PAPSS1: variants seen among roughly 807,000 people sequenced by gnomAD.
The protein encoded by PAPSS1 is bifunctional 3'-phosphoadenosine 5'-phosphosulfate synthase 1.
Under a neutral mutation model 72.0 loss-of-function variants are expected in PAPSS1, and 50 were observed. The observed-to-expected ratio is 0.69, with a 90% CI of 0.55 to 0.88. The LOEUF (loss-of-function observed/expected upper bound fraction) is 0.88, where lower values mean the gene tolerates loss of function less well. Ranked by LOEUF, PAPSS1 falls within the 40% of genes least tolerant of loss-of-function variation. PAPSS1 has a pLI of 0.00. For synonymous variants in PAPSS1, 261 were observed against 263.6 expected (o/e 0.99, Z 0.09); for missense variants, 657 against 782.2 (o/e 0.84, Z 1.91).
chr4:107,642,075 T>C (rs988198493), intron 10 of PAPSS1, among the ~76,000 whole-genome samples: 1 of 152,114 alleles, frequency 6.6e-6, no homozygotes, highest in African/African-American at 2.4e-5. Flanking sequence ...TAAGAATACA[T>C]ATTATACAAA....
Position 107,653,643 on chromosome 4 carries a change from ATT to A in PAPSS1, c.1102-19_1102-18del. Reference sequence around the variant, plus strand: ...CATCACCATCTAATAGGAAAAACAAATTTTTTTAATGGAAACCGAGATCAAAA... The same window carrying A: ...CATCACCATCTAATAGGAAAAACAAATTTTTAATGGAAACCGAGATCAAAA... On this transcript the variant is annotated intron_variant, in intron 8 of 11. Coordinates refer to ENST00000265174, the MANE Select transcript of PAPSS1 (RefSeq NM_005443.5). 1 of 1,605,864 alleles carries A rather than the reference ATT, an allele frequency of 6.2e-7. No homozygotes were observed. The highest frequency in any genetic ancestry group is 1.3e-5 in the African/African-American group (1 of 74,546).
chr4:107,674,402 A>C (rs893141123), intron 5 of PAPSS1, among the ~76,000 whole-genome samples: 6 of 152,224 alleles, frequency 3.9e-5, no homozygotes, highest in Non-Finnish European at 8.8e-5. Flanking sequence ...GATAAAACAG[A>C]CTTGAAAACA....
intron 7 of PAPSS1, among the ~76,000 whole-genome samples, chr4:107,655,407 A>G (rs989576683): frequency 3.3e-5 from 5 of 152,336 alleles, no homozygotes; most frequent in Admixed American, 3.3e-4. Context: ...AGACAGAACT[A>G]TCCAAAAAGT....
At chr4:107,717,300 A>G (rs1304450115) in intron 1 of PAPSS1, among the ~76,000 whole-genome samples, 6 of 148,762 alleles carry the variant, frequency 4.0e-5, no homozygotes, top group Admixed American at 2.0e-4. Context: ...GACTATCTCT[A>G]CTAAGGCTGT....
At chr4:107,646,801 C>T (rs1038020789) in intron 9 of PAPSS1, among the ~76,000 whole-genome samples, 1 of 152,200 alleles carries the variant, frequency 6.6e-6, no homozygotes, top group Non-Finnish European at 1.5e-5. Context: ...TCTACCCAAG[C>T]TCAGACTACT....
intron 9 of PAPSS1, among the ~76,000 whole-genome samples, chr4:107,652,790 G>A (rs1000332707): frequency 1.3e-5 from 2 of 152,090 alleles, no homozygotes; most frequent in African/African-American, 4.8e-5. Flanking sequence ...TTTTACTTCT[G>A]TAATTCTATA....
At chr4:107,643,641 G>T (rs765685292) in intron 10 of PAPSS1, among the ~76,000 whole-genome samples, 7 of 152,146 alleles carry the variant, frequency 4.6e-5, no homozygotes, top group Non-Finnish European at 8.8e-5. Context: ...TGATGTTAAT[G>T]TGAGGGTACC....
intron 5 of PAPSS1, among the ~76,000 whole-genome samples, chr4:107,669,580 T>C (rs538010106): frequency 1.3e-5 from 2 of 152,204 alleles, no homozygotes; most frequent in South Asian, 2.1e-4. Flanking sequence ...CTACCACATA[T>C]AGCATTAACT....
At chr4:107,688,163 T>C (rs1004639682) in intron 3 of PAPSS1, among the ~76,000 whole-genome samples, 11 of 152,094 alleles carry the variant, frequency 7.2e-5, no homozygotes, top group African/African-American at 2.4e-4. Flanking sequence ...CAACCCATTC[T>C]CTCTACTCCA....
intron 10 of PAPSS1, among the ~76,000 whole-genome samples, chr4:107,634,521 C>A (rs1726308839): frequency 6.6e-6 from 1 of 152,028 alleles, no homozygotes; most frequent in Non-Finnish European, 1.5e-5. Context: ...AATGGTGGAT[C>A]ATTTTATTAA....
At chr4:107,629,252 T>C (rs1188586626) in intron 11 of PAPSS1, among the ~76,000 whole-genome samples, 1 of 152,220 alleles carries the variant, frequency 6.6e-6, no homozygotes, top group Non-Finnish European at 1.5e-5. Context: ...AAATCACTGA[T>C]GCTTCAGCAA....
intron 10 of PAPSS1, among the ~76,000 whole-genome samples, chr4:107,637,313 T>C (rs1269794240): frequency 6.6e-6 from 1 of 152,176 alleles, no homozygotes; most frequent in East Asian, 1.9e-4. Flanking sequence ...CTATCACTTA[T>C]CTCCCCACTT....
chr4:107,678,650 G>C (rs1300575701), intron 5 of PAPSS1, among the ~76,000 whole-genome samples: 1 of 152,166 alleles, frequency 6.6e-6, no homozygotes, highest in East Asian at 1.9e-4. Flanking sequence ...TAGTGTGACA[G>C]GCTTAGTACA....
At chr4:107,675,898 A>G (rs1727629959) in intron 5 of PAPSS1, among the ~76,000 whole-genome samples, 1 of 152,144 alleles carries the variant, frequency 6.6e-6, no homozygotes, top group South Asian at 2.1e-4. Flanking sequence ...ATCAATAAAC[A>G]TAATCCAGCA....
chr4:107,711,510 A>T (rs1338533127), intron 1 of PAPSS1, among the ~76,000 whole-genome samples: 1 of 152,220 alleles, frequency 6.6e-6, no homozygotes, highest in African/African-American at 2.4e-5. Flanking sequence ...GTGCATTTTT[A>T]AGTGAAATGT....
chr4:107,641,979 A>C (rs1456890796), intron 10 of PAPSS1, among the ~76,000 whole-genome samples: 2 of 152,204 alleles, frequency 1.3e-5, no homozygotes, highest in Non-Finnish European at 2.9e-5. Flanking sequence ...AATGATTTAC[A>C]TTGATCCTAT....
chr4:107,658,824 T>C (rs4956021), intron 6 of PAPSS1, among the ~76,000 whole-genome samples: 29,408 of 152,068 alleles, frequency 0.19, 3,137 homozygotes, highest in East Asian at 0.37. Context: ...AAAATTCCTA[T>C]ACTGAAGGCC....
chr4:107,674,528 T>C (rs1303623173), intron 5 of PAPSS1, among the ~76,000 whole-genome samples: 1 of 152,208 alleles, frequency 6.6e-6, no homozygotes, highest in African/African-American at 2.4e-5. Context: ...CCCAGATTCA[T>C]AAAGTAAGTC....
chr4:107,654,825 G>T lies in PAPSS1; in HGVS notation c.971C>A (p.Thr324Lys). The T allele has an allele frequency of 2.5e-6, 4 of 1,613,974 alleles. No individual in the cohort carries two copies. Among genetic ancestry groups the T allele is most frequent in the Non-Finnish European group, 3.4e-6 (4 of 1,179,908 alleles). The change falls in exon 8 of 12, where the codon ACA becomes AAA. Residue 324 changes from threonine to lysine, a missense_variant. Coordinates refer to ENST00000265174, the MANE Select transcript of PAPSS1 (RefSeq NM_005443.5). ...GCCCTCATACATCAGAGCAAATGCT[G>T]TACAGCCGTCCAGCCTCTCTTTATC... is the stretch of plus-strand genomic sequence containing the variant. ...HEDKERLDGCTAFALMYEGRR... is the reference protein window; with the variant it reads ...HEDKERLDGCKAFALMYEGRR...
Sources: gnomAD v4.1 joint callset for allele counts (sites outside exome capture counted in the v4.1 genomes callset) on GRCh38, gnomAD v4.1.1 for gene constraint, MANE v1.5 for transcripts, NCBI Gene and HGNC (gene_info 2026-07-23, HGNC 2026-07-21) for gene names.